Variants in VWC2L observed in about 807,000 individuals in gnomAD.
The protein encoded by VWC2L is von Willebrand factor C domain-containing protein 2-like.
Under a neutral mutation model 21.6 loss-of-function variants are expected in VWC2L, and 10 were observed. The observed-to-expected ratio is 0.46, with a 90% CI of 0.29 to 0.78. The LOEUF (loss-of-function observed/expected upper bound fraction) is 0.78, where lower values mean the gene tolerates loss of function less well. Among genes scored for constraint, VWC2L ranks in the 30% least tolerant of loss-of-function variants. VWC2L has a pLI of 0.10. For missense variants in VWC2L, 209 were observed against 277.1 expected, an observed-to-expected ratio of 0.75 and a Z score of 1.74; for synonymous variants, 96 against 94.3, an observed-to-expected ratio of 1.02 and a Z score of -0.10.
At chr2:214,464,990 C>T (rs1054555699) in intron 3 of VWC2L, among the ~76,000 whole-genome samples, 12 of 152,088 alleles carry the variant, frequency 7.9e-5, no homozygotes, top group African/African-American at 2.2e-4. Context: ...TTTTAGTCAG[C>T]GTGTGGTGGA....
chr2:214,438,846 G>T, intron 3 of VWC2L, among the ~76,000 whole-genome samples: 1 of 151,940 alleles, frequency 6.6e-6, no homozygotes, highest in Non-Finnish European at 1.5e-5. Context: ...GTAACCACTA[G>T]TATTTCTGAT....
At chr2:214,456,539 T>C (rs1703060047) in intron 3 of VWC2L, among the ~76,000 whole-genome samples, 1 of 152,154 alleles carries the variant, frequency 6.6e-6, no homozygotes, top group African/African-American at 2.4e-5. Context: ...CTCTGTTGAT[T>C]GTATTCTTTG....
intron 3 of VWC2L, among the ~76,000 whole-genome samples, chr2:214,555,700 A>G (rs565929205): frequency 6.6e-6 from 1 of 152,310 alleles, no homozygotes; most frequent in African/African-American, 2.4e-5. Flanking sequence ...CTCTAAATTC[A>G]GGTAAAACTC....
chr2:214,516,998 T>C (rs1479718084), intron 3 of VWC2L, among the ~76,000 whole-genome samples: 1 of 152,264 alleles, frequency 6.6e-6, no homozygotes, highest in Non-Finnish European at 1.5e-5. Flanking sequence ...ACTCTCACTC[T>C]CATTCTCACT....
intron 3 of VWC2L, among the ~76,000 whole-genome samples, chr2:214,515,425 G>A (rs1482274940): frequency 1.3e-5 from 2 of 152,126 alleles, no homozygotes; most frequent in Admixed American, 6.5e-5. Context: ...TCCTGTGTGC[G>A]GCTGTATCAC....
intron 3 of VWC2L, among the ~76,000 whole-genome samples, chr2:214,475,304 G>A (rs1688498421): frequency 6.6e-6 from 1 of 152,002 alleles, no homozygotes; most frequent in African/African-American, 2.4e-5. Flanking sequence ...GTGAAGTAGG[G>A]CTTGTATTAT....
intron 3 of VWC2L, among the ~76,000 whole-genome samples, chr2:214,560,021 T>C (rs1689941537): frequency 6.6e-6 from 1 of 152,104 alleles, no homozygotes; most frequent in Admixed American, 6.5e-5. Context: ...AATATTTGCT[T>C]ATAGAATTCT....
chr2:214,543,854 A>C (rs2105922028), intron 3 of VWC2L, among the ~76,000 whole-genome samples: 1 of 152,290 alleles, frequency 6.6e-6, no homozygotes, highest in African/African-American at 2.4e-5. Context: ...AAATGGCTTC[A>C]CTTTCATTTT....
chr2:214,509,467 A>C (rs1202096802), intron 3 of VWC2L, among the ~76,000 whole-genome samples: 1 of 10,096 alleles, frequency 9.9e-5, no homozygotes, highest in East Asian at 0.5. Context: ...TTGCTACTTA[A>C]AAAAAAAAAA....
intron 3 of VWC2L, among the ~76,000 whole-genome samples, chr2:214,445,864 T>C (rs1412682921): frequency 6.6e-6 from 1 of 152,122 alleles, no homozygotes; most frequent in Non-Finnish European, 1.5e-5. Flanking sequence ...TGACTTCTTA[T>C]TAAAATTTGT....
At chr2:214,553,410 G>A (rs915090663) in intron 3 of VWC2L, among the ~76,000 whole-genome samples, 2 of 152,150 alleles carry the variant, frequency 1.3e-5, no homozygotes, top group Non-Finnish European at 2.9e-5. Flanking sequence ...ACATGGGTTT[G>A]GTCCAGAAAG....
chr2:214,490,814 A>G (rs1404994053), intron 3 of VWC2L, among the ~76,000 whole-genome samples: 1 of 152,218 alleles, frequency 6.6e-6, no homozygotes, highest in African/African-American at 2.4e-5. Context: ...GAAGTTAAAC[A>G]GAGAAAAAGA....
chr2:214,441,429 A>G (rs1428359845), intron 3 of VWC2L, among the ~76,000 whole-genome samples: 4 of 152,234 alleles, frequency 2.6e-5, no homozygotes, highest in Non-Finnish European at 5.9e-5. Flanking sequence ...TAATCACCAA[A>G]TGGATAAGGA....
At chr2:214,459,554 G>C (rs1046058747) in intron 3 of VWC2L, among the ~76,000 whole-genome samples, 2 of 152,084 alleles carry the variant, frequency 1.3e-5, no homozygotes, top group African/African-American at 4.8e-5. Flanking sequence ...TTACCAATGA[G>C]TTTTATATTT....
chr2:214,442,416 T>A (rs1350318595), intron 3 of VWC2L, among the ~76,000 whole-genome samples: 1 of 152,176 alleles, frequency 6.6e-6, no homozygotes, highest in Non-Finnish European at 1.5e-5. Context: ...ATACAAAGTT[T>A]CACAAAATAC....
Position 214,576,413 on chromosome 2 carries a change from C to T in VWC2L, c.*593C>T, listed in dbSNP as rs1351171393. The T allele has an allele frequency of 6.6e-6, 1 of 152,084 alleles. No individual in the cohort carries two copies. Among genetic ancestry groups the T allele is most frequent in the Non-Finnish European group, 1.5e-5 (1 of 68,042 alleles). 9.4% of individuals were successfully genotyped at this position (152,084 alleles called of 1,614,324 possible). A position where few individuals can be genotyped will look rare whatever the true frequency, so the allele number is the denominator to read the frequency against. ...TAGACTAAGGAAAGAGGGGTGGGCA[C>T]ATAGACGGGCCTATTGCTGGACAGG... On this transcript the variant is annotated 3_prime_UTR_variant, in exon 4 of 4. Coordinates refer to ENST00000312504, the MANE Select transcript of VWC2L (RefSeq NM_001080500.4).
At chr2:214,553,850 T>A (rs1368839189) in intron 3 of VWC2L, among the ~76,000 whole-genome samples, 1 of 152,100 alleles carries the variant, frequency 6.6e-6, no homozygotes, top group African/African-American at 2.4e-5. Flanking sequence ...AGAATTTCAT[T>A]TTTGGTTTAC....
intron 3 of VWC2L, among the ~76,000 whole-genome samples, chr2:214,500,326 C>T (rs4362557): frequency 0.093 from 14,076 of 152,170 alleles, 1,156 homozygotes; most frequent in East Asian, 0.3. Flanking sequence ...TTTTCTTTCC[C>T]TCATGTAGAT....
intron 3 of VWC2L, among the ~76,000 whole-genome samples, chr2:214,550,161 A>G (rs1344021217): frequency 1.3e-5 from 2 of 152,218 alleles, no homozygotes; most frequent in African/African-American, 2.4e-5. Context: ...AGAAAGAACA[A>G]TCCCTAGGGC....
Sources: gnomAD v4.1 joint callset for allele counts (sites outside exome capture counted in the v4.1 genomes callset) on GRCh38, gnomAD v4.1.1 for gene constraint, MANE v1.5 for transcripts, NCBI Gene and HGNC (gene_info 2026-07-23, HGNC 2026-07-21) for gene names.